BPIFB2: variants seen among roughly 807,000 people sequenced by gnomAD.
BPIFB2 encodes the protein BPI fold-containing family B member 2.
In BPIFB2, 39 loss-of-function variants were observed where a neutral mutation model predicts 50.1. The ratio of observed to expected loss-of-function variants is 0.78; its 90% CI spans 0.60 to 1.02. The LOEUF (loss-of-function observed/expected upper bound fraction) is 1.02. Ranked by LOEUF, BPIFB2 falls within the 50% of genes least tolerant of loss-of-function variation. The probability of loss-of-function intolerance (pLI) is 0.00; values close to 1 mark genes in which losing one functional copy is unlikely to be tolerated. For missense variants in BPIFB2, 574 were observed against 585.8 expected, an observed-to-expected ratio of 0.98 and a Z score of 0.21; for synonymous variants, 280 against 256.3, an observed-to-expected ratio of 1.09 and a Z score of -0.88.
At chr20:33,022,132 G>C (rs1978697981) in intron 15 of BPIFB2, among the ~76,000 whole-genome samples, 1 of 152,212 alleles carries the variant, frequency 6.6e-6, no homozygotes, top group South Asian at 2.1e-4. Context: ...AACTGTGCAG[G>C]CTGGATGGGA....
intron 11 of BPIFB2, 91 bp downstream of exon 11, chr20:33,019,841 A>G: frequency 1.4e-6 from 2 of 1,391,810 alleles, no homozygotes; most frequent in Non-Finnish European, 1.9e-6. Context: ...CTCTACTCAC[A>G]CTATTGTCTT....
At chr20:33,010,857 G>C (rs1488911564) in intron 2 of BPIFB2, among the ~76,000 whole-genome samples, 167 bp from the exon 3 acceptor site, 2 of 152,032 alleles carry the variant, frequency 1.3e-5, no homozygotes, top group African/African-American at 4.8e-5. Flanking sequence ...TGCACCCAAG[G>C]TGGGCTCATG....
chr20:33,008,386 T>G (rs1006276506), intron 1 of BPIFB2, among the ~76,000 whole-genome samples, 155 bp from the exon 2 acceptor site: 1 of 152,106 alleles, frequency 6.6e-6, no homozygotes, highest in Non-Finnish European at 1.5e-5. Flanking sequence ...AAGGTGATGG[T>G]TCCCAATGCA....
In BPIFB2 at chr20:33,008,641, C is replaced by A; in HGVS notation, c.67C>A (p.Pro23Thr). ...LLLPVVGAST[P>T]GTVVRLNKAA... is the part of the protein sequence containing the mutation. ...GCTGCCCGTGGTCGGTGCCTCCACG[C>A]CAGGCACCGTGGTCCGACTCAACAA... The change falls in exon 2 of 16, where the codon CCA (proline) becomes ACA (threonine). Residue 23 changes from proline to threonine, a missense_variant. Coordinates refer to ENST00000170150, the MANE Select transcript of BPIFB2 (RefSeq NM_025227.3). The A allele has an allele frequency of 1.2e-6, 2 of 1,607,812 alleles. No individual in the cohort carries two copies. Among genetic ancestry groups the A allele is most frequent in the East Asian group, 2.2e-5 (1 of 44,542 alleles).
intron 4 of BPIFB2, among the ~76,000 whole-genome samples, 171 bp from the exon 5 acceptor site, chr20:33,013,639 G>T (rs1040491501): frequency 6.6e-6 from 1 of 152,218 alleles, no homozygotes; most frequent in Non-Finnish European, 1.5e-5. Flanking sequence ...GAGTCTTGAG[G>T]CTGGGGGCTG....
chr20:33,019,204 C>T, intron 10 of BPIFB2, 89 bp downstream of exon 10: 1 of 1,516,176 alleles, frequency 6.6e-7, no homozygotes, highest in Non-Finnish European at 9.2e-7. Context: ...TGGCTCTTAT[C>T]TGTCCCAAGT....
chr20:33,021,455 A>AG (rs1157095849), intron 14 of BPIFB2, 111 bp downstream of exon 14: 18 of 1,273,718 alleles, frequency 1.4e-5, no homozygotes, highest in African/African-American at 4.4e-5. Flanking sequence ...ACAGGGTGAG[A>AG]GGGGGCCTCT....
chr20:33,019,069 A>T lies in BPIFB2; in HGVS notation c.863A>T (p.Asp288Val), dbSNP rs753070150. Residue 288 changes from aspartate (D) to valine (V), a missense_variant, in exon 10 of 16, where the codon GAT becomes GTT. Transcript: ENST00000170150. ...CTGGGGTGCTGATTTCAGAGGTCGG[A>T]TGACAACCTGCTGAACACCTCTGCT... ...NLDITGQLRS[D>V]DNLLNTSALG... 4 of 1,614,112 alleles carry T rather than the reference A, an allele frequency of 2.5e-6. No individual in the cohort carries two copies. The highest frequency in any genetic ancestry group is 3.3e-5 in the Admixed American group (2 of 60,024).
rs1375300425 is a variant in BPIFB2 at position 33,018,617 on chromosome 20, T to TC, written c.670-15dup. 6 of 1,583,650 alleles carry TC rather than the reference T, an allele frequency of 3.8e-6. No individual in the cohort carries two copies. In the East Asian group the frequency reaches 1.3e-4, roughly 36 times the overall value. ...GAGGCCCTGCTGCTTTTCTCCCACT[T>TC]CCCCCTCCCACCCCTACAGGCTGTT... On this transcript the variant is annotated intron_variant, in intron 8 of 15. Coordinates refer to ENST00000170150, the MANE Select transcript of BPIFB2 (RefSeq NM_025227.3).
chr20:33,022,025 G>A (rs1978692828), intron 15 of BPIFB2, among the ~76,000 whole-genome samples: 1 of 152,158 alleles, frequency 6.6e-6, no homozygotes, highest in South Asian at 2.1e-4. Context: ...GGACAATTGG[G>A]GCCTTCACTT....
chr20:33,009,104 G>T lies in BPIFB2; in HGVS notation c.109+421G>T, dbSNP rs1194250984. 2.0e-5 allele frequency among the ~76,000 whole-genome samples: 3 copies of T among 152,186 alleles called. No individual in the cohort carries two copies. The highest frequency in any genetic ancestry group is 7.2e-5 in the African/African-American group (3 of 41,446). On this transcript the variant is annotated intron_variant, in intron 2 of 15. Coordinates refer to ENST00000170150, the MANE Select transcript of BPIFB2 (RefSeq NM_025227.3). This position sits in a 1 kb window ranked among gnomAD's most constrained non-coding sequence, Gnocchi z 4.2. ...TGCACAGGTACGGCTGTTCACCCTG[G>T]GTGTACACGTTTGCGTATGTGGTGT...
rs543279693 is a variant in BPIFB2 at position 33,019,088 on chromosome 20, C to G, written c.882C>G (p.Thr294=). Residue 294 remains threonine, a synonymous_variant, in exon 10 of 16, where the codon ACC becomes ACG. Transcript: ENST00000170150. ...QLRSDDNLLN[T]SALGRLIPEV... is the part of the protein sequence containing the mutation. The stretch of plus-strand genomic sequence containing the variant: ...GGTCGGATGACAACCTGCTGAACAC[C>G]TCTGCTCTGGGCCGGCTCATCCCGG... 2 of 1,614,166 alleles carry G rather than the reference C, an allele frequency of 1.2e-6. No homozygotes were observed. Among genetic ancestry groups the G allele is most frequent in the Non-Finnish European group, 8.5e-7 (1 of 1,180,020 alleles).
At position 33,018,343 on chromosome 20, in the gene BPIFB2, AAGT is replaced by A; in HGVS notation, c.663_665del (p.Glu221_Val222delinsAsp). 1 of 1,612,066 alleles carries A rather than the reference AAGT, an allele frequency of 6.2e-7. No individual in the cohort carries two copies. Among genetic ancestry groups the A allele is most frequent in the Non-Finnish European group, 8.5e-7 (1 of 1,178,222 alleles). ...GTCACCAGTGACTACATTTCCCTGG[AAGT>A]CAATGTAAGTGCCTCCTGGCCAGCC... On this transcript the variant is annotated inframe_deletion, in exon 8 of 16. Transcript: ENST00000170150.
Position 33,019,649 on chromosome 20 carries a change from A to G in BPIFB2, c.979A>G (p.Met327Val). 2 of 1,612,542 alleles carry G rather than the reference A, an allele frequency of 1.2e-6. No homozygotes were observed. The highest frequency in any genetic ancestry group is 1.7e-6 in the Non-Finnish European group (2 of 1,179,324). ...GCGGCTGGGTGCCACACCTGTGGCC[A>G]TGCTCCACACAAACAACGCCACCCT... Reference protein sequence around the residue: ...KVRLGATPVAMLHTNNATLRL... With the variant: ...KVRLGATPVAVLHTNNATLRL... Residue 327 changes from methionine (M) to valine (V), a missense_variant, in exon 11 of 16, where the codon ATG (methionine) becomes GTG (valine). By Grantham distance (21) the Met-to-Val change is conservative. Coordinates refer to ENST00000170150, the MANE Select transcript of BPIFB2 (RefSeq NM_025227.3).
intron 5 of BPIFB2, 100 bp from the exon 6 acceptor site, chr20:33,015,336 C>A (rs1600512934): frequency 4.6e-6 from 5 of 1,089,092 alleles, no homozygotes; most frequent in African/African-American, 3.2e-5. Context: ...GGCCTCCTGG[C>A]TGAGGATAGA....
intron 7 of BPIFB2, 93 bp downstream of exon 7, chr20:33,017,195 G>T (rs1034777203): frequency 8.3e-7 from 1 of 1,207,686 alleles, no homozygotes; most frequent in Admixed American, 2.0e-5. Flanking sequence ...GATCACGGTC[G>T]ACCTCTAGGA....
chr20:33,011,054 G>C lies in BPIFB2; in HGVS notation c.140G>C (p.Arg47Pro), dbSNP rs202092895. The change falls in exon 3 of 16, where the codon CGG (arginine) becomes CCG (proline). Residue 47 changes from arginine to proline, a missense_variant. Arg to Pro is a moderately radical substitution (Grantham distance 103, BLOSUM62 -2). Coordinates refer to ENST00000170150, the MANE Select transcript of BPIFB2 (RefSeq NM_025227.3). ...GAAATTGGGAAAGCCCCTCTCCAGCGGGCCCTGCAGGTCACTGTCCCTCAT... is the reference window on the plus strand; with the variant it reads ...GAAATTGGGAAAGCCCCTCTCCAGCCGGCCCTGCAGGTCACTGTCCCTCAT... ...VSEIGKAPLQ[R>P]ALQVTVPHFL... 6.2e-7 allele frequency: 1 copy of C among 1,614,014 alleles called. No homozygotes were observed.
intron 14 of BPIFB2, 47 bp from the exon 15 acceptor site, chr20:33,021,676 C>A: frequency 6.3e-7 from 1 of 1,580,572 alleles, no homozygotes; most frequent in Non-Finnish European, 8.7e-7. Context: ...AGGGCTTCAG[C>A]ACAGGCTGGC....
At chr20:33,017,532 C>T (rs568029039) in intron 7 of BPIFB2, among the ~76,000 whole-genome samples, 1 of 152,294 alleles carries the variant, frequency 6.6e-6, no homozygotes, top group East Asian at 1.9e-4. Flanking sequence ...TGAAACTTCC[C>T]TGCAAGAGTA....
Sources: allele counts gnomAD v4.1 joint callset (sites outside exome capture counted in the v4.1 genomes callset), GRCh38; gene constraint gnomAD v4.1.1; non-coding constraint Gnocchi (gnomAD v3.1); transcripts MANE v1.5; gene names NCBI Gene and HGNC (gene_info 2026-07-23, HGNC 2026-07-21).